CYLC2: variants seen among roughly 807,000 people sequenced by gnomAD.
CYLC2 encodes cylicin 2.
A neutral mutation model predicts 26.1 loss-of-function variants in CYLC2; 30 were observed. The ratio of observed to expected loss-of-function variants is 1.15; its 90% CI spans 0.86 to 1.56. The LOEUF (loss-of-function observed/expected upper bound fraction) is 1.56, where lower values mean the gene tolerates loss of function less well. Ranked by LOEUF, CYLC2 falls within the 40% of genes most tolerant of loss-of-function variation. CYLC2 has a pLI of 0.00. For missense variants in CYLC2, 498 were observed against 394.4 expected (o/e 1.26, Z -2.23); for synonymous variants, 158 against 132.8 (o/e 1.19, Z -1.31).
At chr9:102,999,739 T>C (rs990376978) in intron 1 of CYLC2, among the ~76,000 whole-genome samples, 6 of 151,948 alleles carry the variant, frequency 3.9e-5, no homozygotes, top group Admixed American at 6.6e-5. Context: ...TGATTTTTCT[T>C]ATTTATTTTG....
intron 1 of CYLC2, among the ~76,000 whole-genome samples, chr9:103,000,239 T>C (rs559135616): frequency 6.6e-6 from 1 of 152,044 alleles, no homozygotes; most frequent in Non-Finnish European, 1.5e-5. Flanking sequence ...TTTCAAATAT[T>C]TATATATTGT....
chr9:103,014,485 T>TACATAATA (rs1829467348), intron 6 of CYLC2, among the ~76,000 whole-genome samples: 6 of 133,730 alleles, frequency 4.5e-5, no homozygotes, highest in Non-Finnish European at 8.1e-5. Context: ...AATATGTATA[T>TACATAATA]TATGCAATAT....
chr9:103,006,933 A>G (rs1296772446), intron 5 of CYLC2, among the ~76,000 whole-genome samples: 1 of 152,160 alleles, frequency 6.6e-6, no homozygotes, highest in African/African-American at 2.4e-5. Context: ...CATCGCATAA[A>G]TGATAACCAT....
chr9:102,996,266 T>G (rs1357659890), intron 1 of CYLC2, among the ~76,000 whole-genome samples: 1 of 151,926 alleles, frequency 6.6e-6, no homozygotes, highest in African/African-American at 2.4e-5. Flanking sequence ...AGTAAATTGA[T>G]GCCTACTATG....
Position 103,001,443 on chromosome 9 carries a change from T to C in CYLC2, c.18-135T>C, listed in dbSNP as rs1272321399. ...TATTATCCTGGAGATGAAGTAATCT[T>C]ATATAACAAAAGATATCTGAGATTG... is the stretch of plus-strand genomic sequence containing the variant. On this transcript the variant is annotated intron_variant, in intron 1 of 7. Transcript: ENST00000374798. 3 of 632,998 alleles carry C rather than the reference T, an allele frequency of 4.7e-6. No homozygotes were observed. The African/African-American group carries it at 5.6e-5, about 12-fold the overall frequency. 39.2% of individuals were successfully genotyped at this position (632,998 alleles called of 1,614,324 possible).
At chr9:103,013,334 ATATAT>A (rs1829436850) in intron 6 of CYLC2, among the ~76,000 whole-genome samples, 1 of 13,910 alleles carries the variant, frequency 7.2e-5, no homozygotes, top group African/African-American at 2.9e-4. Context: ...TATATATTTA[ATATAT>A]TATATAAATA....
chr9:103,004,442 A>G (rs1474632249), intron 3 of CYLC2, among the ~76,000 whole-genome samples: 1 of 152,076 alleles, frequency 6.6e-6, no homozygotes, highest in Non-Finnish European at 1.5e-5. Flanking sequence ...ACCAATTTGA[A>G]CCTAAAATCC....
Position 103,005,732 on chromosome 9 carries a change from A to G in CYLC2, c.*54A>G, listed in dbSNP as rs965181568. ...ATAATTCAAAAGCATATTTGATGAA[A>G]CAATAGTGGTAGTCTGCAGCTGAAT... On this transcript the variant is annotated 3_prime_UTR_variant, in exon 5 of 8. Coordinates refer to ENST00000374798, the MANE Select transcript of CYLC2 (RefSeq NM_001340.5). 3 of 1,531,586 alleles carry G rather than the reference A, an allele frequency of 2.0e-6. No individual in the cohort carries two copies. In the African/African-American group the frequency reaches 4.2e-5, roughly 21 times the overall value. The allele number at this position is 1,531,586 out of a possible 1,614,324, so 94.9% of individuals were successfully genotyped here.
chr9:103,003,554 T>C (rs1219753199), intron 3 of CYLC2, among the ~76,000 whole-genome samples: 2 of 152,214 alleles, frequency 1.3e-5, no homozygotes, highest in Non-Finnish European at 2.9e-5. Context: ...AATTCACATG[T>C]GGCTATGAAA....
At chr9:103,007,779 C>G (rs887290362) in intron 5 of CYLC2, among the ~76,000 whole-genome samples, 1 of 152,122 alleles carries the variant, frequency 6.6e-6, no homozygotes, top group Admixed American at 6.6e-5. Context: ...CAACATAAAG[C>G]TTCTCTTGGA....
chr9:103,008,119 G>T (rs974506458), intron 5 of CYLC2, among the ~76,000 whole-genome samples: 14 of 151,870 alleles, frequency 9.2e-5, no homozygotes, highest in African/African-American at 3.4e-4. Flanking sequence ...TCTCTCTGAA[G>T]ATTTAGGAAA....
At chr9:103,013,861 A>C (rs1345578195) in intron 6 of CYLC2, among the ~76,000 whole-genome samples, 1 of 91,606 alleles carries the variant, frequency 1.1e-5, no homozygotes, top group African/African-American at 4.1e-5. Context: ...AATGTATTAT[A>C]TATTATATAT....
rs1829255664 is a variant in CYLC2, at chr9:102,998,177, T to C, written c.17+2780T>C. On this transcript the variant is annotated intron_variant, in intron 1 of 7. Coordinates refer to ENST00000374798, the MANE Select transcript of CYLC2 (RefSeq NM_001340.5). ...AATATGAGGCCTTAATTACTGTGTT[T>C]CCTTATATATAACCAGACACTTTAA... 3.3e-5 allele frequency among the ~76,000 whole-genome samples: 5 copies of C among 152,054 alleles called. No individual in the cohort carries two copies. In the South Asian group the frequency reaches 1.0e-3, roughly 32 times the overall value.
intron 1 of CYLC2, among the ~76,000 whole-genome samples, chr9:102,998,925 C>A (rs1829262250): frequency 6.6e-6 from 1 of 151,734 alleles, no homozygotes; most frequent in Admixed American, 6.6e-5. Context: ...ATTAAAGTTT[C>A]TATATTGCAC....
intron 6 of CYLC2, among the ~76,000 whole-genome samples, chr9:103,013,252 AT>A (rs1829432672): frequency 9.4e-6 from 1 of 105,994 alleles, no homozygotes; most frequent in Non-Finnish European, 1.7e-5. Flanking sequence ...GTAAATATAT[AT>A]TTAATGTGTT....
rs566370432 is a variant in CYLC2 at position 103,018,416 on chromosome 9, G to T, written c.*982G>T. On this transcript the variant is annotated 3_prime_UTR_variant, in exon 8 of 8. Coordinates refer to ENST00000374798, the MANE Select transcript of CYLC2 (RefSeq NM_001340.5). ...GATCTTCCTGTCATGAAAGTTGCTT[G>T]ACAGCTCTAATTACGAATTGAACAC... is the stretch of plus-strand genomic sequence containing the variant. 2.6e-5 allele frequency: 4 copies of T among 152,028 alleles called. No individual in the cohort carries two copies. The South Asian group carries it at 6.2e-4, about 24-fold the overall frequency. 9.4% of individuals were successfully genotyped at this position (152,028 alleles called of 1,614,324 possible). A position where few individuals can be genotyped will look rare whatever the true frequency, so the allele number is the denominator to read the frequency against.
intron 1 of CYLC2, among the ~76,000 whole-genome samples, chr9:102,998,391 A>G (rs1187670883): frequency 1.3e-5 from 2 of 151,894 alleles, no homozygotes; most frequent in African/African-American, 4.8e-5. Context: ...TTTATTTTCA[A>G]TAAGACAGTT....
chr9:103,017,163 G>T (rs62576158), intron 7 of CYLC2, among the ~76,000 whole-genome samples: 1 of 151,872 alleles, frequency 6.6e-6, no homozygotes, highest in East Asian at 1.9e-4. Flanking sequence ...GGCTAAGCAT[G>T]ATAGTAAAGA....
At chr9:102,996,835 A>T (rs1829242446) in intron 1 of CYLC2, among the ~76,000 whole-genome samples, 1 of 151,936 alleles carries the variant, frequency 6.6e-6, no homozygotes, top group Admixed American at 6.6e-5. Context: ...TCCAAACCTC[A>T]ACTATACCAT....
Sources: allele counts gnomAD v4.1 joint callset (sites outside exome capture counted in the v4.1 genomes callset), GRCh38; gene constraint gnomAD v4.1.1; transcripts MANE v1.5; gene names NCBI Gene and HGNC (gene_info 2026-07-23, HGNC 2026-07-21).